The following ROBO2 variants were observed in gnomAD, a reference collection of about 807,000 sequenced individuals.
ROBO2 encodes roundabout guidance receptor 2.
Under a neutral mutation model 160.8 loss-of-function variants are expected in ROBO2, and 53 were observed. That is an observed-to-expected ratio of 0.33 (90% CI 0.26 to 0.41). The LOEUF is 0.41. ROBO2 is among the 10% of genes least tolerant of loss of function. The pLI, the probability that ROBO2 is intolerant of heterozygous loss-of-function variation, is 1.00. For synonymous variants in ROBO2, 664 were observed against 611.7 expected, an observed-to-expected ratio of 1.09 and a Z score of -1.26; for missense variants, 1,577 against 1,722.4, an observed-to-expected ratio of 0.92 and a Z score of 1.49.
intron 2 of ROBO2, among the ~76,000 whole-genome samples, chr3:76,286,974 C>A (rs960948182): frequency 3.3e-5 from 5 of 152,146 alleles, no homozygotes; most frequent in Non-Finnish European, 7.3e-5. Flanking sequence ...TACCGTAAGA[C>A]CTTCAGTGTT....
intron 2 of ROBO2, among the ~76,000 whole-genome samples, chr3:76,207,458 A>G (rs946253941): frequency 1.3e-5 from 2 of 152,136 alleles, no homozygotes; most frequent in African/African-American, 2.4e-5. Context: ...TATCATTGCT[A>G]TCTTTAAATT....
chr3:76,788,492 T>C (rs2063142916), intron 2 of ROBO2, among the ~76,000 whole-genome samples: 1 of 151,502 alleles, frequency 6.6e-6, no homozygotes, highest in Non-Finnish European at 1.5e-5. Context: ...ATAAAAAGAA[T>C]CAAGGACAGG....
chr3:76,037,062 C>T (rs1301532531), intron 2 of ROBO2, among the ~76,000 whole-genome samples: 2 of 151,786 alleles, frequency 1.3e-5, no homozygotes, highest in East Asian at 3.9e-4. Flanking sequence ...TTTCTTCTGC[C>T]CTTAAGTACT....
At chr3:76,805,188 CCTTTT>C (rs2064580583) in intron 2 of ROBO2, among the ~76,000 whole-genome samples, 1 of 151,930 alleles carries the variant, frequency 6.6e-6, no homozygotes, top group South Asian at 2.1e-4. Flanking sequence ...ACTTCTTTTT[CCTTTT>C]CTTTTCTTGA....
intron 2 of ROBO2, among the ~76,000 whole-genome samples, chr3:76,849,493 T>A (rs1413689079): frequency 6.6e-6 from 1 of 152,206 alleles, no homozygotes; most frequent in Non-Finnish European, 1.5e-5. Context: ...GTCCTTAGAC[T>A]CCTATCCTCA....
intron 2 of ROBO2, among the ~76,000 whole-genome samples, chr3:76,898,074 A>C (rs1488001436): frequency 6.6e-6 from 1 of 152,110 alleles, no homozygotes; most frequent in East Asian, 1.9e-4. Flanking sequence ...ATTGTCTCTC[A>C]TAAGGGACAT....
chr3:76,990,881 C>G (rs917364707), intron 2 of ROBO2, among the ~76,000 whole-genome samples: 2 of 152,070 alleles, frequency 1.3e-5, no homozygotes, highest in Non-Finnish European at 2.9e-5. Flanking sequence ...AGCATGCATA[C>G]AGCTCCAGTA....
At chr3:76,635,527 G>A (rs2090283497) in intron 2 of ROBO2, among the ~76,000 whole-genome samples, 1 of 152,184 alleles carries the variant, frequency 6.6e-6, no homozygotes, top group Non-Finnish European at 1.5e-5. Flanking sequence ...CTGAAAAGCA[G>A]GAGGTACTTT....
At chr3:76,008,108 C>T (rs2066076686) in intron 2 of ROBO2, among the ~76,000 whole-genome samples, 1 of 151,362 alleles carries the variant, frequency 6.6e-6, no homozygotes, top group Admixed American at 6.6e-5. Flanking sequence ...GTAGTGGATA[C>T]CTTTAGTCAC....
At chr3:76,500,711 TTTTTA>T (rs2080414413) in intron 2 of ROBO2, among the ~76,000 whole-genome samples, 1 of 152,202 alleles carries the variant, frequency 6.6e-6, no homozygotes, top group African/African-American at 2.4e-5. Context: ...TAAAAGTTAA[TTTTTA>T]TTTTATTAAA....
At chr3:76,130,461 C>T (rs1023055336) in intron 2 of ROBO2, among the ~76,000 whole-genome samples, 1 of 151,954 alleles carries the variant, frequency 6.6e-6, no homozygotes, top group African/African-American at 2.4e-5. Flanking sequence ...TATACAGTCC[C>T]TAGGATATTA....
At chr3:76,796,472 G>A (rs1233238192) in intron 2 of ROBO2, among the ~76,000 whole-genome samples, 3 of 107,394 alleles carry the variant, frequency 2.8e-5, no homozygotes, top group Non-Finnish European at 5.4e-5. Flanking sequence ...CCAAAGGAAG[G>A]AAGGAAGGAG....
chr3:76,611,611 T>C (rs1214511943), intron 2 of ROBO2, among the ~76,000 whole-genome samples: 2 of 152,204 alleles, frequency 1.3e-5, no homozygotes, highest in Non-Finnish European at 2.9e-5. Flanking sequence ...GTATCAGTTG[T>C]AATGTTTCAG....
At chr3:76,876,268 C>T (rs1207440075) in intron 2 of ROBO2, among the ~76,000 whole-genome samples, 1 of 152,156 alleles carries the variant, frequency 6.6e-6, no homozygotes, top group South Asian at 2.1e-4. Context: ...CATATTATTG[C>T]ATGTACTAAG....
chr3:77,384,542 T>TA (rs1383557564), intron 2 of ROBO2, among the ~76,000 whole-genome samples: 12 of 152,342 alleles, frequency 7.9e-5, no homozygotes, highest in Non-Finnish European at 1.5e-5. Context: ...GACAGCCTTC[T>TA]AGTCTCCTAT....
intron 2 of ROBO2, among the ~76,000 whole-genome samples, chr3:76,724,848 G>T (rs1266897156): frequency 1.3e-5 from 2 of 152,152 alleles, no homozygotes; most frequent in Admixed American, 6.5e-5. Flanking sequence ...ATTCAATCAT[G>T]AGTGTCCTTA....
At chr3:76,090,365 A>T (rs1471780496) in intron 2 of ROBO2, among the ~76,000 whole-genome samples, 1 of 152,040 alleles carries the variant, frequency 6.6e-6, no homozygotes, top group East Asian at 1.9e-4. Flanking sequence ...TAGCTTGAGA[A>T]TAGATCCGGG....
intron 2 of ROBO2, among the ~76,000 whole-genome samples, chr3:77,381,975 T>C (rs1397049999): frequency 1.4e-5 from 2 of 143,946 alleles, no homozygotes; most frequent in African/African-American, 4.9e-5. Flanking sequence ...TCTAGGAGAA[T>C]GCATTTTCAA....
chr3:77,137,917 T>A (rs770401803), intron 2 of ROBO2, among the ~76,000 whole-genome samples: 4 of 152,206 alleles, frequency 2.6e-5, no homozygotes, highest in Admixed American at 6.5e-5. Flanking sequence ...ACAGGGAAGG[T>A]CATTGGTGCA....
Sources: gnomAD v4.1 joint callset for allele counts (sites outside exome capture counted in the v4.1 genomes callset) on GRCh38, gnomAD v4.1.1 for gene constraint, MANE v1.5 for transcripts, NCBI Gene and HGNC (gene_info 2026-07-23, HGNC 2026-07-21) for gene names.